Variants in SNX29 observed in about 807,000 individuals in gnomAD.
SNX29 encodes the protein sorting nexin 29.
In SNX29, 78 loss-of-function variants were observed where a neutral mutation model predicts 102.1. That is an observed-to-expected ratio of 0.76 (90% CI 0.64 to 0.92). SNX29 has a LOEUF of 0.92. Ranked by LOEUF, SNX29 falls within the 40% of genes least tolerant of loss-of-function variation. The probability of loss-of-function intolerance (pLI) is 0.00; values close to 1 mark genes in which losing one functional copy is unlikely to be tolerated. For missense variants in SNX29, 1,280 were observed against 1,061.7 expected (o/e 1.21, Z -2.86); for synonymous variants, 580 against 414.5 (o/e 1.40, Z -4.85).
chr16:12,448,640 G>T (rs1244765396), intron 18 of SNX29, among the ~76,000 whole-genome samples: 1 of 152,030 alleles, frequency 6.6e-6, no homozygotes, highest in African/African-American at 2.4e-5. Context: ...AAATCCTCTT[G>T]CCCTCATTGT....
At chr16:12,529,924 C>G (rs1472452306) in intron 20 of SNX29, among the ~76,000 whole-genome samples, 1 of 152,168 alleles carries the variant, frequency 6.6e-6, no homozygotes. Flanking sequence ...CTCCAAAGTC[C>G]TCAGCGTTAC....
intron 20 of SNX29, among the ~76,000 whole-genome samples, chr16:12,565,350 C>G (rs946839393): frequency 6.6e-6 from 1 of 152,210 alleles, no homozygotes; most frequent in African/African-American, 2.4e-5. Flanking sequence ...ATCTGTCACG[C>G]ACTCACTGAA....
intron 1 of SNX29, among the ~76,000 whole-genome samples, chr16:11,996,369 A>T (rs1278002714): frequency 6.6e-6 from 1 of 152,128 alleles, no homozygotes; most frequent in Admixed American, 6.6e-5. Flanking sequence ...TGTGATAGAG[A>T]TCCTGTCTCA....
In SNX29 at chr16:12,570,851, T is replaced by G. The variant is rs2079172790; in HGVS notation, c.*2222T>G. 4.3e-6 allele frequency: 1 copy of G among 232,014 alleles called. No homozygotes were observed. 14.4% of individuals were successfully genotyped at this position (232,014 alleles called of 1,614,324 possible). A position where few individuals can be genotyped will look rare whatever the true frequency, so the allele number is the denominator to read the frequency against. ...ATGCTCTCAGCTGGTATTGAACTGG[T>G]GGGAGAAACTGCCTCCTACTTTTAT... is the stretch of plus-strand genomic sequence containing the variant. On this transcript the variant is annotated 3_prime_UTR_variant, in exon 21 of 21. Transcript: ENST00000566228.
intron 16 of SNX29, among the ~76,000 whole-genome samples, chr16:12,380,282 C>G (rs916598314): frequency 6.7e-6 from 1 of 148,618 alleles, no homozygotes; most frequent in African/African-American, 2.6e-5. Context: ...CCAGACTGTT[C>G]TCATCTACCC....
intron 1 of SNX29, among the ~76,000 whole-genome samples, chr16:11,990,899 C>G (rs138467003): frequency 5.2e-4 from 79 of 152,316 alleles, no homozygotes; most frequent in African/African-American, 1.7e-3. Context: ...TTATTTCTGC[C>G]AGGGCAGTGG....
At chr16:12,072,489 G>A (rs1182793090) in intron 10 of SNX29, among the ~76,000 whole-genome samples, 1 of 152,124 alleles carries the variant, frequency 6.6e-6, no homozygotes, top group Non-Finnish European at 1.5e-5. Context: ...TGTGTATGTT[G>A]AACCAGCCTT....
chr16:11,992,720 C>G (rs901485022), intron 1 of SNX29, among the ~76,000 whole-genome samples: 1 of 152,190 alleles, frequency 6.6e-6, no homozygotes. Flanking sequence ...CAGAATTCCT[C>G]GCACACAGTG....
At chr16:12,156,107 G>T (rs183745166) in intron 13 of SNX29, among the ~76,000 whole-genome samples, 5 of 152,186 alleles carry the variant, frequency 3.3e-5, no homozygotes, top group African/African-American at 1.2e-4. Flanking sequence ...TGGCTCTAAC[G>T]TTTCTCTCTA....
intron 15 of SNX29, among the ~76,000 whole-genome samples, chr16:12,342,818 C>T (rs1420866203): frequency 6.6e-6 from 1 of 152,196 alleles, no homozygotes; most frequent in African/African-American, 2.4e-5. Flanking sequence ...CAGTACCCCA[C>T]AGTGCTCGCT....
intron 11 of SNX29, among the ~76,000 whole-genome samples, chr16:12,088,851 T>A (rs1209498641): frequency 6.6e-6 from 1 of 152,120 alleles, no homozygotes; most frequent in Non-Finnish European, 1.5e-5. Context: ...TTTGGGAGGC[T>A]GAGGCGGGCG....
chr16:12,059,294 CT>C (rs2050669208), intron 8 of SNX29, among the ~76,000 whole-genome samples: 2 of 152,340 alleles, frequency 1.3e-5, no homozygotes, highest in South Asian at 2.1e-4. Context: ...AAGGGCGCCC[CT>C]GACCACCTCT....
At chr16:12,530,260 C>G (rs896049671) in intron 20 of SNX29, among the ~76,000 whole-genome samples, 1 of 152,116 alleles carries the variant, frequency 6.6e-6, no homozygotes, top group East Asian at 1.9e-4. Flanking sequence ...TTTAGAACAG[C>G]GCATCACACA....
rs530287542 is a variant in SNX29, at chr16:12,460,750, C to T, written c.2038-16969C>T. Among the ~76,000 whole-genome samples, 119 of 151,898 alleles carry T rather than the reference C, an allele frequency of 7.8e-4. No individual in the cohort carries two copies. The Middle Eastern group carries it at 0.01, about 13-fold the overall frequency. Reference sequence around the variant, plus strand: ...TCAGCTCAATGCAACCTCCGCCTCCCGGGTTCAAGCAATTCTCCAGCCTCA... The same window carrying T: ...TCAGCTCAATGCAACCTCCGCCTCCTGGGTTCAAGCAATTCTCCAGCCTCA... On this transcript the variant is annotated intron_variant, in intron 18 of 20. Coordinates refer to ENST00000566228, the MANE Select transcript of SNX29 (RefSeq NM_032167.5).
Position 12,305,163 on chromosome 16 carries a change from G to A in SNX29, c.1782+27127G>A, listed in dbSNP as rs376551161. Among the ~76,000 whole-genome samples, 164 of 152,328 alleles carry A rather than the reference G, an allele frequency of 1.1e-3. 1 individual carries two copies. Among genetic ancestry groups the A allele is most frequent in the Middle Eastern group, 0.01 (3 of 294 alleles). ...GAACTAGAATTTCGAGTCTGTGCAT[G>A]CAGTCTGTGTATATATAGGTCTTTT... On this transcript the variant is annotated intron_variant, in intron 15 of 20. Transcript: ENST00000566228.
rs569661644 is a variant in SNX29, at chr16:12,572,739, G to T, written c.*4110G>T. 2.1e-5 allele frequency: 22 copies of T among 1,064,082 alleles called. No homozygotes were observed. Among genetic ancestry groups the T allele is most frequent in the African/African-American group, 4.9e-5 (3 of 61,116 alleles). 65.9% of individuals were successfully genotyped at this position (1,064,082 alleles called of 1,614,324 possible). Reference sequence around the variant, plus strand: ...GGCACAGAACTGATGGCAAAGGAAGGGCTGGGTTTTCAGCTTCTGGGACCC... The same window carrying T: ...GGCACAGAACTGATGGCAAAGGAAGTGCTGGGTTTTCAGCTTCTGGGACCC... On this transcript the variant is annotated 3_prime_UTR_variant, in exon 21 of 21. Transcript: ENST00000566228.
intron 15 of SNX29, among the ~76,000 whole-genome samples, chr16:12,306,382 C>G (rs1567419655): frequency 6.6e-6 from 1 of 151,544 alleles, no homozygotes; most frequent in African/African-American, 2.4e-5. Context: ...GACGGTGAGT[C>G]AGGTTGTTAA....
At chr16:12,044,000 C>T (rs967509849) in intron 5 of SNX29, among the ~76,000 whole-genome samples, 8 of 152,184 alleles carry the variant, frequency 5.3e-5, no homozygotes, top group African/African-American at 7.2e-5. Context: ...GTGATCTGCC[C>T]GCCTAGGCCT....
chr16:12,525,601 A>G (rs2076758119), intron 20 of SNX29, among the ~76,000 whole-genome samples: 1 of 151,672 alleles, frequency 6.6e-6, no homozygotes, highest in East Asian at 2.0e-4. Flanking sequence ...CTGAGGCAGG[A>G]GAATCACTTG....
Sources: allele counts gnomAD v4.1 joint callset (sites outside exome capture counted in the v4.1 genomes callset), GRCh38; gene constraint gnomAD v4.1.1; transcripts MANE v1.5; gene names NCBI Gene and HGNC (gene_info 2026-07-23, HGNC 2026-07-21).